Variants in TLE1 observed in about 807,000 individuals in gnomAD.
The protein encoded by TLE1 is transducin-like enhancer protein 1.
In TLE1, 21 loss-of-function variants were observed where a neutral mutation model predicts 89.8. The observed-to-expected ratio is 0.23, with a 90% CI of 0.17 to 0.34. The LOEUF is 0.34. TLE1 is among the 10% of genes least tolerant of loss of function. TLE1 has a pLI of 1.00. For missense variants in TLE1, 795 were observed against 1,031.2 expected (o/e 0.77, Z 3.14); for synonymous variants, 447 against 407.6 (o/e 1.10, Z -1.16).
At chr9:81,613,124 G>A (rs1028707459) in intron 12 of TLE1, among the ~76,000 whole-genome samples, 5 of 152,238 alleles carry the variant, frequency 3.3e-5, no homozygotes, top group African/African-American at 4.8e-5. Flanking sequence ...AGCCTGGGGG[G>A]ACAAGAGCGA....
At chr9:81,672,383 G>C (rs1393325382) in intron 4 of TLE1, among the ~76,000 whole-genome samples, 1 of 151,468 alleles carries the variant, frequency 6.6e-6, no homozygotes, top group Non-Finnish European at 1.5e-5. Flanking sequence ...GCCCAGGCTG[G>C]AGTGTGATGG....
Position 81,620,427 on chromosome 9 carries a change from C to G in TLE1, c.711+14G>C. 1 of 1,590,370 alleles carries G rather than the reference C, an allele frequency of 6.3e-7. No individual in the cohort carries two copies. ...AAGCAAACAAATATTATTTCAAGTC[C>G]TTTAATTACTTACATAGTGGCTGGA... On this transcript the variant is annotated intron_variant, in intron 9 of 19. Coordinates refer to ENST00000376499, the MANE Select transcript of TLE1 (RefSeq NM_005077.5).
chr9:81,674,629 T>C (rs1197601824), intron 4 of TLE1, among the ~76,000 whole-genome samples: 2 of 152,198 alleles, frequency 1.3e-5, no homozygotes, highest in African/African-American at 2.4e-5. Context: ...ACTGGTTACA[T>C]CTTAAAGGTA....
In TLE1 at chr9:81,616,713, A is replaced by C. The variant is rs1824559208; in HGVS notation, c.712-14T>G. 2 of 1,614,106 alleles carry C rather than the reference A, an allele frequency of 1.2e-6. No individual in the cohort carries two copies. Among genetic ancestry groups the C allele is most frequent in the East Asian group, 4.5e-5 (2 of 44,884 alleles). On this transcript the variant is annotated splice_polypyrimidine_tract_variant and intron_variant, in intron 9 of 19. Transcript: ENST00000376499. ...ACCATCACTGTCCTGGAAAAAAGAA[A>C]CATTAACGCCATTTACTAAAAGCTA...
intron 4 of TLE1, among the ~76,000 whole-genome samples, chr9:81,677,151 T>C: frequency 6.6e-6 from 1 of 151,986 alleles, no homozygotes; most frequent in East Asian, 1.9e-4. Flanking sequence ...GGCAGGAGAA[T>C]AGCTTGAACC....
At chr9:81,648,401 C>T (rs1213412652) in intron 6 of TLE1, among the ~76,000 whole-genome samples, 1 of 151,858 alleles carries the variant, frequency 6.6e-6, no homozygotes, top group African/African-American at 2.4e-5. Flanking sequence ...TCACTGGGGT[C>T]CTGGAAACCA....
chr9:81,613,433 C>T lies in TLE1; in HGVS notation c.1007G>A (p.Gly336Asp). ...AGGCTTGCCGAGACCTGGACGGAGG[C>T]CTGGAGTGGCGCTGGTGCCCGGCGT... ...MPTPGTSATP[G>D]LRPGLGKPPA... is the part of the protein sequence containing the mutation. Residue 336 changes from glycine (G) to aspartate (D), a missense_variant, in exon 12 of 20, where the codon GGC becomes GAC. Gly to Asp is a moderately conservative substitution (Grantham distance 94). Coordinates refer to ENST00000376499, the MANE Select transcript of TLE1 (RefSeq NM_005077.5). 2 of 1,614,114 alleles carry T rather than the reference C, an allele frequency of 1.2e-6. No individual in the cohort carries two copies. Among genetic ancestry groups the T allele is most frequent in the Non-Finnish European group, 1.7e-6 (2 of 1,179,990 alleles).
chr9:81,616,248 G>T, intron 10 of TLE1, 114 bp from the exon 11 acceptor site: 12 of 1,307,484 alleles, frequency 9.2e-6, no homozygotes, highest in Non-Finnish European at 1.3e-5. Context: ...TCGGGTTGGG[G>T]TTGTACAAGG....
rs1563998736 is a variant in TLE1, at chr9:81,632,474, C to CTTTTT, written c.594+873_594+874insAAAAA. On this transcript the variant is annotated intron_variant, in intron 8 of 19. Coordinates refer to ENST00000376499, the MANE Select transcript of TLE1 (RefSeq NM_005077.5). Reference sequence around the variant, plus strand: ...TTATCAGATTTAAATGTTCAGTATCCCTTTTTTTTTTTTTTTTTTTTTACC... The same window carrying CTTTTT: ...TTATCAGATTTAAATGTTCAGTATCCTTTTTCTTTTTTTTTTTTTTTTTTTTTACC... Among the ~76,000 whole-genome samples the CTTTTT allele has an allele frequency of 1.1e-4, 8 of 73,408 alleles. 1 individual carries two copies. Among genetic ancestry groups the CTTTTT allele is most frequent in the African/African-American group, 3.8e-4 (8 of 21,142 alleles). The allele number at this position is 73,408 out of a possible 152,430, so 48.2% of individuals were successfully genotyped here. A position where few individuals can be genotyped will look rare whatever the true frequency, so the allele number is the denominator to read the frequency against.
At chr9:81,651,625 C>T (rs1172464885) in intron 6 of TLE1, among the ~76,000 whole-genome samples, 1 of 151,976 alleles carries the variant, frequency 6.6e-6, no homozygotes, top group African/African-American at 2.4e-5. Flanking sequence ...GTTCGAATAC[C>T]CCAGAAAGCA....
At chr9:81,651,074 T>C (rs554324034) in intron 6 of TLE1, among the ~76,000 whole-genome samples, 5 of 152,318 alleles carry the variant, frequency 3.3e-5, no homozygotes, top group Admixed American at 6.5e-5. Context: ...ACTGGTTCCA[T>C]TGTCTGTGGC....
chr9:81,683,650 A>G (rs1833895106), intron 4 of TLE1, among the ~76,000 whole-genome samples: 1 of 152,174 alleles, frequency 6.6e-6, no homozygotes, highest in South Asian at 2.1e-4. Flanking sequence ...ACAGCACTCT[A>G]GTTAAGGGTC....
At chr9:81,602,638 T>C (rs1440915554) in intron 14 of TLE1, among the ~76,000 whole-genome samples, 1 of 152,184 alleles carries the variant, frequency 6.6e-6, no homozygotes, top group Non-Finnish European at 1.5e-5. Context: ...TTTTGGATTT[T>C]GAATTTTCGA....
At chr9:81,613,962 C>T (rs1485693094) in intron 11 of TLE1, among the ~76,000 whole-genome samples, 2 of 137,956 alleles carry the variant, frequency 1.4e-5, no homozygotes, top group African/African-American at 5.6e-5. Context: ...AGCTGGAGTG[C>T]AGTGGCGCAA....
At chr9:81,657,181 T>C (rs1830241150) in intron 4 of TLE1, among the ~76,000 whole-genome samples, 1 of 152,232 alleles carries the variant, frequency 6.6e-6, no homozygotes, top group Non-Finnish European at 1.5e-5. Context: ...TTTTGTCCTT[T>C]GGTGGTGCTT....
chr9:81,674,033 T>C (rs867984762), intron 4 of TLE1, among the ~76,000 whole-genome samples: 2 of 152,160 alleles, frequency 1.3e-5, no homozygotes, highest in Admixed American at 1.3e-4. Flanking sequence ...CACTAATCCA[T>C]AGAGGCCTTT....
intron 8 of TLE1, among the ~76,000 whole-genome samples, chr9:81,629,920 A>T (rs891518202): frequency 2.0e-5 from 3 of 152,176 alleles, no homozygotes; most frequent in African/African-American, 7.2e-5. Context: ...TCACATTAAA[A>T]CAGATTGCTT....
chr9:81,598,891 A>G (rs1326862929), intron 14 of TLE1, among the ~76,000 whole-genome samples: 2 of 152,196 alleles, frequency 1.3e-5, no homozygotes, highest in Non-Finnish European at 2.9e-5. Context: ...CAGAGGTCAC[A>G]TGGAACAAGC....
chr9:81,628,816 C>T (rs1826219281), intron 8 of TLE1, among the ~76,000 whole-genome samples: 2 of 152,074 alleles, frequency 1.3e-5, no homozygotes, highest in Admixed American at 1.3e-4. Context: ...TGGTGCTGTG[C>T]CATATGACCT....
Sources: gnomAD v4.1 joint callset for allele counts (sites outside exome capture counted in the v4.1 genomes callset) on GRCh38, gnomAD v4.1.1 for gene constraint, MANE v1.5 for transcripts, NCBI Gene and HGNC (gene_info 2026-07-23, HGNC 2026-07-21) for gene names.